The following NAALADL2 variants were observed in gnomAD, a reference collection of about 807,000 sequenced individuals.
NAALADL2 encodes inactive N-acetylated-alpha-linked acidic dipeptidase-like protein 2.
Under a neutral mutation model 87.2 loss-of-function variants are expected in NAALADL2, and 76 were observed. The ratio of observed to expected loss-of-function variants is 0.87; its 90% confidence interval spans 0.72 to 1.05. NAALADL2 has a LOEUF of 1.05. NAALADL2 is among the 50% of genes least tolerant of loss of function. The pLI is 0.00. For synonymous variants in NAALADL2, 354 were observed against 331.0 expected (o/e 1.07, Z -0.75); for missense variants, 1,089 against 945.8 (o/e 1.15, Z -1.99).
At chr3:175,349,643 G>A (rs756194664) in intron 5 of NAALADL2, among the ~76,000 whole-genome samples, 6 of 152,064 alleles carry the variant, frequency 3.9e-5, no homozygotes, top group Non-Finnish European at 8.8e-5. Flanking sequence ...AACTGTGTTT[G>A]TAGAAGGTGA....
At chr3:175,297,234 G>C (rs1323226752) in intron 4 of NAALADL2, among the ~76,000 whole-genome samples, 1 of 152,112 alleles carries the variant, frequency 6.6e-6, no homozygotes, top group South Asian at 2.1e-4. Context: ...CTAAACAATA[G>C]TTTTCGGCCA....
chr3:174,449,373 A>G (rs1715302872), intron 1 of NAALADL2, among the ~76,000 whole-genome samples: 1 of 152,226 alleles, frequency 6.6e-6, no homozygotes. Flanking sequence ...ACAAAAAACA[A>G]AAGCACTATT....
chr3:175,615,017 C>G (rs748017489), intron 10 of NAALADL2, among the ~76,000 whole-genome samples: 11 of 152,102 alleles, frequency 7.2e-5, no homozygotes, highest in Non-Finnish European at 1.6e-4. Context: ...CAGCAATCTA[C>G]TCTCAATTTA....
At chr3:175,742,543 G>A (rs968979782) in intron 12 of NAALADL2, among the ~76,000 whole-genome samples, 8 of 151,628 alleles carry the variant, frequency 5.3e-5, no homozygotes, top group Non-Finnish European at 8.8e-5. Flanking sequence ...GACTACAGGC[G>A]CCCACCACCA....
intron 2 of NAALADL2, among the ~76,000 whole-genome samples, chr3:174,679,081 G>A (rs553165980): frequency 6.6e-6 from 1 of 152,196 alleles, no homozygotes; most frequent in Middle Eastern, 3.4e-3. Flanking sequence ...CCTTTGCACT[G>A]GTATCTTTGA....
intron 2 of NAALADL2, among the ~76,000 whole-genome samples, chr3:174,631,637 C>T (rs1223873037): frequency 1.3e-5 from 2 of 152,104 alleles, no homozygotes; most frequent in Non-Finnish European, 2.9e-5. Context: ...AAAACATAAA[C>T]AAGACAAATA....
chr3:174,759,279 T>A (rs982838948), intron 3 of NAALADL2, among the ~76,000 whole-genome samples: 1 of 152,314 alleles, frequency 6.6e-6, no homozygotes, highest in African/African-American at 2.4e-5. Context: ...TGGATTTGCT[T>A]TTAGATAGGA....
intron 2 of NAALADL2, among the ~76,000 whole-genome samples, chr3:174,721,548 T>C (rs1469044226): frequency 6.6e-6 from 1 of 152,212 alleles, no homozygotes; most frequent in Non-Finnish European, 1.5e-5. Context: ...TTGGCATTTC[T>C]CGCGTCTTAA....
intron 6 of NAALADL2, among the ~76,000 whole-genome samples, chr3:175,452,881 G>A (rs1721789827): frequency 6.6e-6 from 1 of 152,110 alleles, no homozygotes; most frequent in Non-Finnish European, 1.5e-5. Flanking sequence ...ACAGAAAGTA[G>A]AGTCAATTCT....
At chr3:175,163,177 C>T (rs1580750255) in intron 2 of NAALADL2, among the ~76,000 whole-genome samples, 1 of 151,862 alleles carries the variant, frequency 6.6e-6, no homozygotes, top group South Asian at 2.1e-4. Flanking sequence ...TGTTGCAATA[C>T]TAGAGGTTAT....
At chr3:175,684,600 C>T (rs1217448255) in intron 11 of NAALADL2, among the ~76,000 whole-genome samples, 1 of 152,068 alleles carries the variant, frequency 6.6e-6, no homozygotes, top group Non-Finnish European at 1.5e-5. Context: ...TTGAGACCAG[C>T]CTGGACAACA....
chr3:174,980,744 A>T (rs1239281269), intron 1 of NAALADL2, among the ~76,000 whole-genome samples: 1 of 152,156 alleles, frequency 6.6e-6, no homozygotes, highest in Non-Finnish European at 1.5e-5. Flanking sequence ...AAATATATTG[A>T]TAGGGACCTA....
At chr3:174,461,848 T>G (rs1716233555) in intron 1 of NAALADL2, among the ~76,000 whole-genome samples, 1 of 152,024 alleles carries the variant, frequency 6.6e-6, no homozygotes, top group Non-Finnish European at 1.5e-5. Context: ...TGTATGCATG[T>G]GAATGTGTGT....
chr3:174,541,592 A>AT (rs566910540), intron 1 of NAALADL2, among the ~76,000 whole-genome samples: 7 of 152,162 alleles, frequency 4.6e-5, no homozygotes, highest in Admixed American at 6.5e-5. Flanking sequence ...GCTATGAAAC[A>AT]TTTTTTTAAA....
At chr3:175,525,019 A>G (rs1394593752) in intron 9 of NAALADL2, among the ~76,000 whole-genome samples, 2 of 152,128 alleles carry the variant, frequency 1.3e-5, no homozygotes, top group Non-Finnish European at 2.9e-5. Context: ...ATTGACAGAG[A>G]AGGGTGCATG....
At chr3:175,562,552 A>G (rs988063262) in intron 9 of NAALADL2, among the ~76,000 whole-genome samples, 2 of 151,908 alleles carry the variant, frequency 1.3e-5, no homozygotes, top group Middle Eastern at 7.1e-3. Flanking sequence ...TTCAATTTAT[A>G]TTTTATTTAA....
At chr3:175,346,995 C>T (rs10936844) in intron 5 of NAALADL2, among the ~76,000 whole-genome samples, 22,239 of 152,070 alleles carry the variant, frequency 0.15, 2,521 homozygotes, top group African/African-American at 0.32. Flanking sequence ...ACAAGTATTA[C>T]TGTTAACATT....
chr3:175,126,818 A>C (rs1727039462), intron 2 of NAALADL2, among the ~76,000 whole-genome samples: 1 of 151,868 alleles, frequency 6.6e-6, no homozygotes, highest in Admixed American at 6.6e-5. Flanking sequence ...AAAGGGATTA[A>C]GTATTTTTCC....
At chr3:175,207,765 T>G (rs1741161411) in intron 2 of NAALADL2, among the ~76,000 whole-genome samples, 1 of 152,086 alleles carries the variant, frequency 6.6e-6, no homozygotes, top group African/African-American at 2.4e-5. Context: ...TTTAAAGTGT[T>G]TAAACATAAC....
Sources: gnomAD v4.1 joint callset for allele counts (sites outside exome capture counted in the v4.1 genomes callset) on GRCh38, gnomAD v4.1.1 for gene constraint, MANE v1.5 for transcripts, NCBI Gene and HGNC (gene_info 2026-07-23, HGNC 2026-07-21) for gene names.